The following FTO variants were observed in gnomAD, a reference collection of about 807,000 sequenced individuals.
The protein encoded by FTO is alpha-ketoglutarate-dependent dioxygenase FTO.
In FTO, 47 loss-of-function variants were observed where a neutral mutation model predicts 63.9. The observed-to-expected ratio is 0.74, with a 90% CI of 0.58 to 0.94. The LOEUF is 0.94. Among genes scored for constraint, FTO ranks in the 40% least tolerant of loss-of-function variants. The pLI is 0.00. For missense variants in FTO, 562 were observed against 618.1 expected (o/e 0.91, Z 0.96); for synonymous variants, 207 against 224.4 (o/e 0.92, Z 0.69).
chr16:53,760,963 TTTATTGTTG>T (rs904205411), intron 1 of FTO, among the ~76,000 whole-genome samples: 1 of 151,858 alleles, frequency 6.6e-6, no homozygotes, highest in Non-Finnish European at 1.5e-5. Context: ...ACGATTTATT[TTTATTGTTG>T]TTATTGTTGT....
Position 53,933,934 on chromosome 16 carries a change from T to A in FTO, c.1240-51T>A, listed in dbSNP as rs2302676. ...CCTTATTTGCTTATGGGCTTTTTTT[T>A]ATTATTAATTTTTCACTTTTTCTTT... On this transcript the variant is annotated intron_variant, in intron 7 of 8. Coordinates refer to ENST00000471389, the MANE Select transcript of FTO (RefSeq NM_001080432.3). The A allele has an allele frequency of 3.8e-5, 60 of 1,578,368 alleles. No homozygotes were observed. The East Asian group carries it at 1.1e-3, about 28-fold the overall frequency.
Position 53,864,632 on chromosome 16 carries a change from C to T in FTO, c.896-9154C>T, listed in dbSNP as rs60028456. ...TGTGTGTGTGTTGTCACATCATCTACAAACTCTTACTCCAGTTGGATACAG... is the reference window on the plus strand; with the variant it reads ...TGTGTGTGTGTTGTCACATCATCTATAAACTCTTACTCCAGTTGGATACAG... On this transcript the variant is annotated intron_variant, in intron 4 of 8. Transcript: ENST00000471389. Among the ~76,000 whole-genome samples the T allele has an allele frequency of 8.7e-3, 1,319 of 152,286 alleles. 25 individuals carry two copies. The highest frequency in any genetic ancestry group is 0.031 in the African/African-American group (1,270 of 41,564).
At chr16:53,875,967 G>A (rs2080639562) in intron 5 of FTO, among the ~76,000 whole-genome samples, 1 of 152,212 alleles carries the variant, frequency 6.6e-6, no homozygotes, top group Non-Finnish European at 1.5e-5. Context: ...GGGATTACAG[G>A]CGTGAGCCAA....
intron 7 of FTO, among the ~76,000 whole-genome samples, chr16:53,923,971 A>G (rs1410860114): frequency 1.3e-5 from 2 of 152,094 alleles, no homozygotes; most frequent in Admixed American, 1.3e-4. Flanking sequence ...AAGGAGAGAG[A>G]TGGGAGATAT....
rs183324090 is a variant in FTO, at chr16:53,801,723, A to T, written c.46-8417A>T. On this transcript the variant is annotated intron_variant, in intron 1 of 8. Transcript: ENST00000471389. ...CACTGTCTTCTGTCTTCCGGCAACCATTTTTTTTTTTTTTACAATGAGCTA... is the reference window on the plus strand; with the variant it reads ...CACTGTCTTCTGTCTTCCGGCAACCTTTTTTTTTTTTTTTACAATGAGCTA... Among the ~76,000 whole-genome samples, 257 of 137,940 alleles carry T rather than the reference A, an allele frequency of 1.9e-3. 1 individual carries two copies. The highest frequency in any genetic ancestry group is 6.0e-3 in the African/African-American group (228 of 38,174). 90.5% of individuals were successfully genotyped at this position (137,940 alleles called of 152,430 possible).
intron 1 of FTO, among the ~76,000 whole-genome samples, chr16:53,751,026 A>C (rs1248828034): frequency 6.6e-6 from 1 of 152,172 alleles, no homozygotes; most frequent in African/African-American, 2.4e-5. Context: ...ATTCATCTTC[A>C]AATAAAAGGA....
rs543360950 is a variant in FTO at position 53,915,971 on chromosome 16, G to GTT, written c.1240-18011_1240-18010dup. Among the ~76,000 whole-genome samples the GTT allele has an allele frequency of 2.4e-4, 37 of 152,286 alleles. 1 individual carries two copies. In the South Asian group the frequency reaches 6.8e-3, roughly 28 times the overall value. ...TGCCAACCGCAGCAGTAGTTTGCAG[G>GTT]TTTTAGACTGTATTAATCAAGACAG... is the stretch of plus-strand genomic sequence containing the variant. On this transcript the variant is annotated intron_variant, in intron 7 of 8. Coordinates refer to ENST00000471389, the MANE Select transcript of FTO (RefSeq NM_001080432.3).
chr16:54,046,955 T>C (rs2085183632), intron 8 of FTO, among the ~76,000 whole-genome samples: 1 of 126,864 alleles, frequency 7.9e-6, no homozygotes, highest in African/African-American at 3.0e-5. Context: ...TATACAAAAA[T>C]CAATTCAAGA....
intron 8 of FTO, among the ~76,000 whole-genome samples, chr16:54,056,406 T>G (rs2144359125): frequency 1.3e-5 from 2 of 152,310 alleles, no homozygotes; most frequent in East Asian, 3.9e-4. Context: ...TGAATTAAAT[T>G]GTTAGAATTT....
At chr16:53,941,254 A>C (rs1371593566) in intron 8 of FTO, among the ~76,000 whole-genome samples, 1 of 152,222 alleles carries the variant, frequency 6.6e-6, no homozygotes, top group Non-Finnish European at 1.5e-5. Flanking sequence ...TATCAAGATG[A>C]GTATGACGTG....
chr16:53,761,341 AT>A (rs1486856967), intron 1 of FTO, among the ~76,000 whole-genome samples: 1 of 150,750 alleles, frequency 6.6e-6, no homozygotes, highest in Non-Finnish European at 1.5e-5. Flanking sequence ...GGCTCAAGAG[AT>A]TCTCCCACCT....
chr16:53,902,672 T>C (rs2081432064), intron 7 of FTO, among the ~76,000 whole-genome samples: 2 of 152,180 alleles, frequency 1.3e-5, no homozygotes, highest in African/African-American at 4.8e-5. Flanking sequence ...AGCCATTTTC[T>C]TCATTGGCTA....
chr16:54,035,855 C>A (rs192687357), intron 8 of FTO, among the ~76,000 whole-genome samples: 29 of 152,162 alleles, frequency 1.9e-4, no homozygotes, highest in African/African-American at 7.0e-4. Flanking sequence ...TGGACATAGA[C>A]CCCCTGGCTG....
intron 1 of FTO, among the ~76,000 whole-genome samples, chr16:53,749,441 C>CTTT (rs748023558): frequency 1.4e-5 from 2 of 140,200 alleles, no homozygotes; most frequent in Admixed American, 7.1e-5. Flanking sequence ...TTCTTTTTTT[C>CTTT]TTTTTTTTTT....
At position 53,747,595 on chromosome 16, in the gene FTO, G is replaced by A. The variant is rs111261063; in HGVS notation, c.45+43366G>A. Among the ~76,000 whole-genome samples, 1,483 of 152,142 alleles carry A rather than the reference G, an allele frequency of 9.7e-3. 22 individuals are homozygous for A. Among genetic ancestry groups the A allele is most frequent in the East Asian group, 0.04 (208 of 5,182 alleles). On this transcript the variant is annotated intron_variant, in intron 1 of 8. Transcript: ENST00000471389. ...TTAATCAGATGTATAGCTTATAAAT[G>A]TTTTCTCCCAATCTGTAGGTTGTCT...
chr16:54,036,814 T>TAC (rs1360147358), intron 8 of FTO, among the ~76,000 whole-genome samples: 27 of 152,234 alleles, frequency 1.8e-4, no homozygotes, highest in African/African-American at 5.8e-4. Context: ...AGAGGACACT[T>TAC]ATGAAGACTG....
intron 1 of FTO, among the ~76,000 whole-genome samples, chr16:53,713,901 A>G (rs1454435846): frequency 1.3e-5 from 2 of 152,138 alleles, no homozygotes; most frequent in Non-Finnish European, 2.9e-5. Flanking sequence ...AGCCCTGGTC[A>G]TCATCTTTCT....
intron 8 of FTO, among the ~76,000 whole-genome samples, chr16:54,036,776 A>G (rs1431655722): frequency 6.6e-6 from 1 of 152,204 alleles, no homozygotes; most frequent in African/African-American, 2.4e-5. Context: ...TTCTAAAATT[A>G]CCAAGAGGTA....
At chr16:53,859,020 T>A (rs1374146646) in intron 4 of FTO, among the ~76,000 whole-genome samples, 1 of 152,190 alleles carries the variant, frequency 6.6e-6, no homozygotes, top group Non-Finnish European at 1.5e-5. Flanking sequence ...GCTACCTTTC[T>A]CCTTTATTCT....
Sources: gnomAD v4.1 joint callset for allele counts (sites outside exome capture counted in the v4.1 genomes callset) on GRCh38, gnomAD v4.1.1 for gene constraint, MANE v1.5 for transcripts, NCBI Gene and HGNC (gene_info 2026-07-23, HGNC 2026-07-21) for gene names.